The following CHRM5 variants were observed in gnomAD, a reference collection of about 807,000 sequenced individuals.
CHRM5 encodes cholinergic receptor muscarinic 5, also known as muscarinic acetylcholine receptor M5.
A neutral mutation model predicts 39.0 loss-of-function variants in CHRM5; 18 were observed. That is an observed-to-expected ratio of 0.46 (90% CI 0.32 to 0.68). The LOEUF (loss-of-function observed/expected upper bound fraction) is 0.68, where lower values mean the gene tolerates loss of function less well. Among genes scored for constraint, CHRM5 ranks in the 30% least tolerant of loss-of-function variants. The pLI, the probability that CHRM5 is intolerant of heterozygous loss-of-function variation, is 0.04. For missense variants in CHRM5, 515 were observed against 651.1 expected (o/e 0.79, Z 2.28); for synonymous variants, 241 against 246.3 (o/e 0.98, Z 0.20).
chr15:34,023,048 G>A lies in CHRM5; in HGVS notation c.-407-23492G>A, dbSNP rs145021493. On this transcript the variant is annotated intron_variant, in intron 1 of 2. Transcript: ENST00000383263. ...CTAAAAACACAAAAATTAGCCTGGC[G>A]TGGTGGTGTGCGCCTGTAGTCCCAG... Among the ~76,000 whole-genome samples the A allele has an allele frequency of 2.0e-3, 306 of 152,278 alleles. 1 individual carries two copies. Among genetic ancestry groups the A allele is most frequent in the African/African-American group, 7.0e-3 (289 of 41,558 alleles).
At chr15:33,992,368 C>T (rs1040897345) in intron 1 of CHRM5, among the ~76,000 whole-genome samples, 15 of 150,180 alleles carry the variant, frequency 1.0e-4, no homozygotes, top group Admixed American at 3.3e-4. Context: ...CCAGCCTGCG[C>T]GACAGATCAG....
Position 34,065,251 on chromosome 15 carries a change from G to A in CHRM5, c.*935G>A, listed in dbSNP as rs1900479973. 6.6e-6 allele frequency: 1 copy of A among 152,280 alleles called. No homozygotes were observed. Among genetic ancestry groups the A allele is most frequent in the Non-Finnish European group, 1.5e-5 (1 of 68,042 alleles). The allele number at this position is 152,280 out of a possible 1,614,324, so 9.4% of individuals were successfully genotyped here. On this transcript the variant is annotated 3_prime_UTR_variant, in exon 3 of 3. Transcript: ENST00000383263. ...ACTGGCTGAAGATTTTCTCCAGGCT[G>A]TTGAATTAAGGTTCTTATATTGTTT...
intron 1 of CHRM5, among the ~76,000 whole-genome samples, chr15:33,994,753 A>G (rs534765987): frequency 9.8e-5 from 15 of 152,310 alleles, no homozygotes; most frequent in African/African-American, 3.6e-4. Flanking sequence ...CTACTTAGAG[A>G]ATATATGTTA....
intron 1 of CHRM5, among the ~76,000 whole-genome samples, chr15:34,028,168 A>G (rs550496416): frequency 6.6e-6 from 1 of 152,370 alleles, no homozygotes; most frequent in Non-Finnish European, 1.5e-5. Flanking sequence ...TAATGAAGAA[A>G]GATAATACAT....
intron 1 of CHRM5, among the ~76,000 whole-genome samples, chr15:34,008,374 T>G (rs1897458730): frequency 6.6e-6 from 1 of 151,706 alleles, no homozygotes; most frequent in South Asian, 2.1e-4. Flanking sequence ...GAGCTGTGAT[T>G]GTGCCACTGC....
intron 1 of CHRM5, among the ~76,000 whole-genome samples, chr15:33,976,424 T>C (rs1456835485): frequency 6.6e-6 from 1 of 151,776 alleles, no homozygotes; most frequent in Non-Finnish European, 1.5e-5. Flanking sequence ...TTAAGTAGAG[T>C]TATTTTAAAC....
chr15:34,059,776 A>G (rs1460620313), intron 2 of CHRM5, among the ~76,000 whole-genome samples: 2 of 152,220 alleles, frequency 1.3e-5, no homozygotes, highest in Non-Finnish European at 2.9e-5. Context: ...TCTCTTCCTC[A>G]GGAAGTGCTT....
chr15:34,028,859 C>T (rs1264360896), intron 1 of CHRM5, among the ~76,000 whole-genome samples: 1 of 151,492 alleles, frequency 6.6e-6, no homozygotes, highest in African/African-American at 2.4e-5. Flanking sequence ...CCACATTGTA[C>T]CTTCACCTGA....
intron 2 of CHRM5, among the ~76,000 whole-genome samples, chr15:34,051,962 T>A (rs529126028): frequency 6.6e-6 from 1 of 151,826 alleles, no homozygotes; most frequent in Non-Finnish European, 1.5e-5. Flanking sequence ...TCTGAAAAAA[T>A]TGAAAAGGAG....
intron 2 of CHRM5, among the ~76,000 whole-genome samples, chr15:34,048,970 T>C (rs1382447348): frequency 6.6e-6 from 1 of 151,388 alleles, no homozygotes; most frequent in Non-Finnish European, 1.5e-5. Context: ...TGTGGAAGAG[T>C]TGTCTGACTG....
At chr15:34,036,015 C>T (rs753414313) in intron 1 of CHRM5, among the ~76,000 whole-genome samples, 13 of 152,014 alleles carry the variant, frequency 8.6e-5, no homozygotes, top group Admixed American at 1.3e-4. Context: ...AGTCTGGTCT[C>T]GAACTCCCAG....
chr15:34,017,592 G>A (rs927167072), intron 1 of CHRM5, among the ~76,000 whole-genome samples: 1 of 147,176 alleles, frequency 6.8e-6, no homozygotes, highest in Non-Finnish European at 1.5e-5. Context: ...CAATTCTCCT[G>A]CCTGAGTCTC....
intron 1 of CHRM5, among the ~76,000 whole-genome samples, chr15:34,001,380 A>G (rs1277300019): frequency 2.0e-5 from 3 of 152,140 alleles, no homozygotes; most frequent in Non-Finnish European, 4.4e-5. Flanking sequence ...TTTGACAGAT[A>G]CTAGTAACTG....
intron 1 of CHRM5, among the ~76,000 whole-genome samples, chr15:33,989,915 C>A (rs1171329978): frequency 6.7e-6 from 1 of 150,240 alleles, no homozygotes; most frequent in African/African-American, 2.5e-5. Context: ...GAACGTGGTA[C>A]CCAGATGAGG....
chr15:33,978,927 G>A (rs1337837295), intron 1 of CHRM5, among the ~76,000 whole-genome samples: 2 of 46,972 alleles, frequency 4.3e-5, no homozygotes, highest in Admixed American at 3.4e-4. Context: ...GTATGTCCAT[G>A]CCAGGCAAAA....
At chr15:34,003,621 CTTTA>C (rs1329603194) in intron 1 of CHRM5, among the ~76,000 whole-genome samples, 1 of 152,050 alleles carries the variant, frequency 6.6e-6, no homozygotes, top group Non-Finnish European at 1.5e-5. Context: ...TGTTTAAAAG[CTTTA>C]TTTAATTTTT....
Position 33,968,638 on chromosome 15 carries a change from T to C in CHRM5, c.-920T>C, listed in dbSNP as rs973353825. ...GAGGACAGAAGAAATGCCTTCATCTTCTACAGAAAGGAAGCTGATGGACTG... is the reference window on the plus strand; with the variant it reads ...GAGGACAGAAGAAATGCCTTCATCTCCTACAGAAAGGAAGCTGATGGACTG... On this transcript the variant is annotated 5_prime_UTR_variant, in exon 1 of 3. Transcript: ENST00000383263. 1.3e-5 allele frequency: 2 copies of C among 152,104 alleles called. No homozygotes were observed. The highest frequency in any genetic ancestry group is 6.6e-5 in the Admixed American group (1 of 15,260). The allele number at this position is 152,104 out of a possible 1,614,324, so 9.4% of individuals were successfully genotyped here.
chr15:34,044,226 G>A (rs771557490), intron 1 of CHRM5, among the ~76,000 whole-genome samples: 3 of 151,846 alleles, frequency 2.0e-5, no homozygotes, highest in Non-Finnish European at 2.9e-5. Flanking sequence ...TCTCCCATTC[G>A]CTATTTTATC....
chr15:34,050,421 C>T (rs1369414575), intron 2 of CHRM5, among the ~76,000 whole-genome samples: 1 of 152,166 alleles, frequency 6.6e-6, no homozygotes, highest in Admixed American at 6.5e-5. Flanking sequence ...AGACCAGTGA[C>T]ATTATGAAGC....
Sources: allele counts gnomAD v4.1 joint callset (sites outside exome capture counted in the v4.1 genomes callset), GRCh38; gene constraint gnomAD v4.1.1; transcripts MANE v1.5; gene names NCBI Gene and HGNC (gene_info 2026-07-23, HGNC 2026-07-21).